The following TMEM131 variants were observed in gnomAD, a reference collection of about 807,000 sequenced individuals.
TMEM131 encodes the protein 2610524E03Rik.
Under a neutral mutation model 211.6 loss-of-function variants are expected in TMEM131, and 66 were observed. The observed-to-expected ratio is 0.31, with a 90% CI of 0.26 to 0.38. The LOEUF (loss-of-function observed/expected upper bound fraction) is 0.38. Among genes scored for constraint, TMEM131 ranks in the 10% least tolerant of loss-of-function variants. The probability of loss-of-function intolerance (pLI) is 1.00; values close to 1 mark genes in which losing one functional copy is unlikely to be tolerated. For missense variants in TMEM131, 2,036 were observed against 2,299.3 expected, an observed-to-expected ratio of 0.89 and a Z score of 2.34; for synonymous variants, 844 against 841.3, an observed-to-expected ratio of 1.00 and a Z score of -0.06.
At chr2:97,827,414 G>C (rs1368897159) in intron 11 of TMEM131, 1 of 1,033,760 alleles carries the variant, frequency 9.7e-7, no homozygotes, top group African/African-American at 1.6e-5. Context: ...AAAGGGAAAA[G>C]GGGAGCAAAG....
intron 1 of TMEM131, among the ~76,000 whole-genome samples, chr2:97,944,332 A>G (rs1334747155): frequency 6.6e-6 from 1 of 152,148 alleles, no homozygotes; most frequent in Admixed American, 6.5e-5. Context: ...TTAAATCCAG[A>G]AGGAACAAAG....
intron 2 of TMEM131, among the ~76,000 whole-genome samples, chr2:97,922,001 C>T (rs531574896): frequency 1.3e-5 from 2 of 152,336 alleles, no homozygotes; most frequent in Non-Finnish European, 2.9e-5. Context: ...GGAAGATACA[C>T]ATACTCTATG....
intron 1 of TMEM131, among the ~76,000 whole-genome samples, chr2:97,978,235 C>G (rs928945748): frequency 6.6e-6 from 1 of 152,220 alleles, no homozygotes; most frequent in Non-Finnish European, 1.5e-5. Context: ...TCAATCTTCT[C>G]TAACCCTGCT....
Position 97,873,825 on chromosome 2 carries a change from T to C in TMEM131, c.359+14227A>G, listed in dbSNP as rs1273673015. Among the ~76,000 whole-genome samples the C allele has an allele frequency of 7.2e-5, 11 of 152,128 alleles. 1 individual carries two copies. Among genetic ancestry groups the C allele is most frequent in the African/African-American group, 2.7e-4 (11 of 41,436 alleles). The stretch of plus-strand genomic sequence containing the variant: ...CAGAAGGTCTCTTCTCCTCCAAAGA[T>C]CACAACTCCTCGCCAGCAAGGGAAC... On this transcript the variant is annotated intron_variant, in intron 4 of 40. Coordinates refer to ENST00000186436, the MANE Select transcript of TMEM131 (RefSeq NM_015348.2).
intron 2 of TMEM131, among the ~76,000 whole-genome samples, chr2:97,920,553 C>T (rs1676697240): frequency 6.6e-6 from 1 of 152,186 alleles, no homozygotes; most frequent in Non-Finnish European, 1.5e-5. Flanking sequence ...AAAGCATCTA[C>T]AGCTAAGTTA....
At chr2:97,956,035 G>A (rs1259196800) in intron 1 of TMEM131, among the ~76,000 whole-genome samples, 1 of 152,110 alleles carries the variant, frequency 6.6e-6, no homozygotes, top group Non-Finnish European at 1.5e-5. Flanking sequence ...AAACAATCTT[G>A]AGAAATAAGG....
At chr2:97,805,308 G>A in intron 21 of TMEM131, 68 bp downstream of exon 21, 1 of 1,571,400 alleles carries the variant, frequency 6.4e-7, no homozygotes, top group African/African-American at 1.4e-5. Context: ...TTTAAAAGTG[G>A]CGGCCTCTTA....
At chr2:97,785,350 G>A (rs1680198256) in intron 31 of TMEM131, among the ~76,000 whole-genome samples, 1 of 152,066 alleles carries the variant, frequency 6.6e-6, no homozygotes, top group African/African-American at 2.4e-5. Context: ...TTAAAACAAT[G>A]GGCAAAAGAC....
At chr2:97,778,487 G>T (rs1679837148) in intron 31 of TMEM131, among the ~76,000 whole-genome samples, 1 of 151,890 alleles carries the variant, frequency 6.6e-6, no homozygotes, top group East Asian at 1.9e-4. Context: ...GGAGGTGGAG[G>T]TTGCAGTGGG....
At chr2:97,921,060 C>G (rs1444894019) in intron 2 of TMEM131, among the ~76,000 whole-genome samples, 1 of 151,524 alleles carries the variant, frequency 6.6e-6, no homozygotes, top group Non-Finnish European at 1.5e-5. Flanking sequence ...ATAACCAAGA[C>G]ATTACTGAGA....
intron 4 of TMEM131, among the ~76,000 whole-genome samples, chr2:97,866,848 C>A (rs1353906727): frequency 1.3e-5 from 2 of 152,122 alleles, no homozygotes; most frequent in South Asian, 4.1e-4. Context: ...ACGAGTATCC[C>A]TCTTACCTGA....
intron 1 of TMEM131, among the ~76,000 whole-genome samples, chr2:97,993,890 T>G (rs1436380949): frequency 1.3e-5 from 2 of 152,074 alleles, no homozygotes; most frequent in Non-Finnish European, 2.9e-5. Context: ...GTTGGAAAAA[T>G]CAGCAGCAGT....
intron 1 of TMEM131, among the ~76,000 whole-genome samples, chr2:97,987,449 G>A (rs1680076949): frequency 6.6e-6 from 1 of 152,170 alleles, no homozygotes; most frequent in African/African-American, 2.4e-5. Flanking sequence ...GCTGCAGTAA[G>A]CTGAGATCGC....
chr2:97,948,426 CACATGAAAT>C (rs1678145345), intron 1 of TMEM131, among the ~76,000 whole-genome samples: 1 of 151,954 alleles, frequency 6.6e-6, no homozygotes, highest in Admixed American at 6.5e-5. Context: ...ACATGAATAG[CACATGAAAT>C]AAGAGGGCAC....
intron 1 of TMEM131, among the ~76,000 whole-genome samples, chr2:97,993,090 T>C (rs1174705473): frequency 6.6e-6 from 1 of 152,240 alleles, no homozygotes; most frequent in Non-Finnish European, 1.5e-5. Flanking sequence ...TCTGCAGCTT[T>C]TCTTCAGGAG....
At chr2:97,842,951 T>C (rs1683265649) in intron 6 of TMEM131, among the ~76,000 whole-genome samples, 1 of 152,016 alleles carries the variant, frequency 6.6e-6, no homozygotes, top group Admixed American at 6.5e-5. Flanking sequence ...CGCTAAAGAT[T>C]TACTCACCAT....
In TMEM131 at chr2:97,995,629, C is replaced by G. The variant is rs1431660861; in HGVS notation, c.34G>C (p.Ala12Pro). 3 of 1,227,540 alleles carry G rather than the reference C, an allele frequency of 2.4e-6. No homozygotes were observed. Among genetic ancestry groups the G allele is most frequent in the Non-Finnish European group, 2.0e-6 (2 of 984,502 alleles). 76.0% of individuals were successfully genotyped at this position (1,227,540 alleles called of 1,614,324 possible). A position where few individuals can be genotyped will look rare whatever the true frequency, so the allele number is the denominator to read the frequency against. ...GKRAGGGATG[A>P]TTAAVSTSAG... is the part of the protein sequence containing the mutation. ...GACGTGGAGACGGCGGCGGTGGTGGCTCCGGTTGCTCCTCCTCCCGCCCGC... is the reference window on the plus strand; with the variant it reads ...GACGTGGAGACGGCGGCGGTGGTGGGTCCGGTTGCTCCTCCTCCCGCCCGC... The change falls in exon 1 of 41, where the codon GCC (alanine) becomes CCC (proline). Residue 12 changes from alanine (A) to proline (P), a missense_variant. Transcript: ENST00000186436.
Position 97,972,344 on chromosome 2 carries a change from C to A in TMEM131, c.187+23132G>T, listed in dbSNP as rs1295629006. Among the ~76,000 whole-genome samples the A allele has an allele frequency of 4.0e-5, 6 of 151,736 alleles. No homozygotes were observed. The South Asian group carries it at 6.3e-4, about 16-fold the overall frequency. Reference sequence around the variant, plus strand: ...CACCTAACACATCTTAAAAGCAAGACCCCCCAGAAACTGCACTACTCCCAC... The same window carrying A: ...CACCTAACACATCTTAAAAGCAAGAACCCCCAGAAACTGCACTACTCCCAC... On this transcript the variant is annotated intron_variant, in intron 1 of 40. Transcript: ENST00000186436.
intron 4 of TMEM131, among the ~76,000 whole-genome samples, chr2:97,885,105 G>C (rs1418454994): frequency 6.6e-6 from 1 of 152,160 alleles, no homozygotes; most frequent in African/African-American, 2.4e-5. Context: ...CATAATGGTG[G>C]TTATGTTTTC....
Sources: allele counts gnomAD v4.1 joint callset (sites outside exome capture counted in the v4.1 genomes callset), GRCh38; gene constraint gnomAD v4.1.1; transcripts MANE v1.5; gene names NCBI Gene and HGNC (gene_info 2026-07-23, HGNC 2026-07-21).